The following MAGI2 variants were observed in gnomAD, a reference collection of about 807,000 sequenced individuals.
MAGI2 encodes membrane associated guanylate kinase, WW and PDZ domain containing 2.
In MAGI2, 35 loss-of-function variants were observed where a neutral mutation model predicts 133.3. The observed-to-expected ratio is 0.26, with a 90% CI of 0.20 to 0.35. The LOEUF (loss-of-function observed/expected upper bound fraction) is 0.35, where lower values mean the gene tolerates loss of function less well. Ranked by LOEUF, MAGI2 falls within the 10% of genes least tolerant of loss-of-function variation. The pLI is 1.00. For synonymous variants in MAGI2, 729 were observed against 710.6 expected, an observed-to-expected ratio of 1.03 and a Z score of -0.41; for missense variants, 1,636 against 1,863.4, an observed-to-expected ratio of 0.88 and a Z score of 2.25.
At chr7:78,420,934 G>C (rs757319205) in intron 6 of MAGI2, among the ~76,000 whole-genome samples, 3 of 152,144 alleles carry the variant, frequency 2.0e-5, no homozygotes, top group African/African-American at 7.2e-5. Context: ...AATAAAGTTC[G>C]AGTTGCACAG....
intron 2 of MAGI2, among the ~76,000 whole-genome samples, chr7:78,971,519 A>G (rs1229132657): frequency 2.0e-5 from 3 of 152,030 alleles, no homozygotes; most frequent in Non-Finnish European, 4.4e-5. Flanking sequence ...CACCCAGTTA[A>G]TTTGCATTTC....
At chr7:78,921,109 G>C (rs1799187694) in intron 2 of MAGI2, among the ~76,000 whole-genome samples, 1 of 143,196 alleles carries the variant, frequency 7.0e-6, no homozygotes, top group African/African-American at 2.5e-5. Flanking sequence ...TGAAATCTTG[G>C]GTTCTTGATT....
chr7:78,271,135 A>G (rs1213504899), intron 9 of MAGI2, among the ~76,000 whole-genome samples: 5 of 152,134 alleles, frequency 3.3e-5, no homozygotes, highest in Admixed American at 3.3e-4. Flanking sequence ...ATTTTGAGAT[A>G]TGTTCCATCA....
At chr7:78,990,915 C>CACACACACACAA (rs1171265575) in intron 2 of MAGI2, among the ~76,000 whole-genome samples, 5 of 150,428 alleles carry the variant, frequency 3.3e-5, no homozygotes, top group African/African-American at 1.2e-4. Context: ...TACACACACA[C>CACACACACACAA]ACACACACAC....
chr7:78,429,456 G>A (rs1052045383), intron 6 of MAGI2, among the ~76,000 whole-genome samples: 4 of 151,860 alleles, frequency 2.6e-5, no homozygotes, highest in African/African-American at 9.7e-5. Flanking sequence ...AAACTCCCGT[G>A]GAAAAAAATG....
intron 1 of MAGI2, among the ~76,000 whole-genome samples, chr7:79,020,803 C>A (rs1374607432): frequency 6.6e-6 from 1 of 150,926 alleles, no homozygotes; most frequent in African/African-American, 2.4e-5. Flanking sequence ...AATGAGGAGC[C>A]AAATGTTAAT....
intron 20 of MAGI2, among the ~76,000 whole-genome samples, chr7:78,080,052 A>G (rs2151188932): frequency 6.6e-6 from 1 of 152,386 alleles, no homozygotes; most frequent in South Asian, 2.1e-4. Flanking sequence ...TAATGCAAAC[A>G]GAACTGTAGA....
At chr7:78,315,746 C>T (rs536304704) in intron 9 of MAGI2, among the ~76,000 whole-genome samples, 7 of 152,222 alleles carry the variant, frequency 4.6e-5, no homozygotes, top group African/African-American at 1.7e-4. Context: ...CTTTACTGTT[C>T]CATTTCAACC....
At chr7:78,388,296 C>CATT (rs398073081) in intron 6 of MAGI2, among the ~76,000 whole-genome samples, 2 of 143,148 alleles carry the variant, frequency 1.4e-5, no homozygotes, top group Non-Finnish European at 3.0e-5. Flanking sequence ...TCATCATCAT[C>CATT]GTCATCATCA....
chr7:79,129,330 C>A (rs1820706799), intron 1 of MAGI2, among the ~76,000 whole-genome samples: 1 of 152,140 alleles, frequency 6.6e-6, no homozygotes, highest in African/African-American at 2.4e-5. Context: ...CACGTTTGCA[C>A]CATCATGCCA....
chr7:78,862,281 G>A (rs1794211245), intron 2 of MAGI2, among the ~76,000 whole-genome samples: 1 of 152,122 alleles, frequency 6.6e-6, no homozygotes, highest in Admixed American at 6.5e-5. Context: ...TAAACACAAA[G>A]ATGATCTCCC....
chr7:79,286,636 A>T (rs778116373), intron 1 of MAGI2, among the ~76,000 whole-genome samples: 1 of 152,124 alleles, frequency 6.6e-6, no homozygotes. Context: ...CAGACTAAAG[A>T]AGCAGCCTCA....
chr7:78,860,328 T>A (rs1335138344), intron 2 of MAGI2, among the ~76,000 whole-genome samples: 1 of 152,224 alleles, frequency 6.6e-6, no homozygotes, highest in Non-Finnish European at 1.5e-5. Context: ...GCTCTGATTT[T>A]TAGAATTTTC....
Position 79,198,732 on chromosome 7 carries a change from A to G in MAGI2, c.302-191526T>C, listed in dbSNP as rs1008003224. Reference sequence around the variant, plus strand: ...TGAAACCCTGTCTCTACTGAAAATAAAAAAAATTAGCTGGGTGTGGTAGTG... The same window carrying G: ...TGAAACCCTGTCTCTACTGAAAATAGAAAAAATTAGCTGGGTGTGGTAGTG... On this transcript the variant is annotated intron_variant, in intron 1 of 21. Coordinates refer to ENST00000354212, the MANE Select transcript of MAGI2 (RefSeq NM_012301.4). 5.3e-5 allele frequency among the ~76,000 whole-genome samples: 8 copies of G among 151,774 alleles called. No individual in the cohort carries two copies. In the East Asian group the frequency reaches 1.4e-3, roughly 26 times the overall value.
intron 2 of MAGI2, among the ~76,000 whole-genome samples, chr7:78,964,517 T>A (rs1803138676): frequency 6.6e-6 from 1 of 152,046 alleles, no homozygotes. Context: ...TGAATAGCCT[T>A]TTTTACAGAC....
intron 3 of MAGI2, among the ~76,000 whole-genome samples, chr7:78,593,698 G>T (rs1804290780): frequency 6.6e-6 from 1 of 152,176 alleles, no homozygotes; most frequent in Non-Finnish European, 1.5e-5. Flanking sequence ...TTGGGGCTTG[G>T]TGTCTCTGAG....
chr7:78,089,143 C>A (rs897835432), intron 20 of MAGI2, among the ~76,000 whole-genome samples: 1 of 152,226 alleles, frequency 6.6e-6, no homozygotes, highest in African/African-American at 2.4e-5. Flanking sequence ...AAACCGATTT[C>A]AGACTTCTGA....
At chr7:79,128,766 C>T (rs939149194) in intron 1 of MAGI2, among the ~76,000 whole-genome samples, 1 of 152,202 alleles carries the variant, frequency 6.6e-6, no homozygotes, top group African/African-American at 2.4e-5. Flanking sequence ...ATTCTCCTAA[C>T]TTATGATGGG....
chr7:79,070,737 C>T (rs1022248208), intron 1 of MAGI2, among the ~76,000 whole-genome samples: 6 of 151,990 alleles, frequency 3.9e-5, no homozygotes, highest in Non-Finnish European at 4.4e-5. Flanking sequence ...GTGATCCACC[C>T]ACCTCAGCCT....
Sources: allele counts gnomAD v4.1 joint callset (sites outside exome capture counted in the v4.1 genomes callset), GRCh38; gene constraint gnomAD v4.1.1; transcripts MANE v1.5; gene names NCBI Gene and HGNC (gene_info 2026-07-23, HGNC 2026-07-21).